TMPRSS15: variants seen among roughly 807,000 people sequenced by gnomAD.
TMPRSS15 encodes enteropeptidase.
A neutral mutation model predicts 125.3 loss-of-function variants in TMPRSS15; 128 were observed. That is an observed-to-expected ratio of 1.02 (90% CI 0.89 to 1.18). TMPRSS15 has a LOEUF of 1.18. Among genes scored for constraint, TMPRSS15 ranks in the 50% most tolerant of loss-of-function variants. The probability of loss-of-function intolerance (pLI) is 0.00; values close to 1 mark genes in which losing one functional copy is unlikely to be tolerated. For missense variants in TMPRSS15, 1,283 were observed against 1,212.7 expected (o/e 1.06, Z -0.86); for synonymous variants, 446 against 423.2 (o/e 1.05, Z -0.66).
chr21:18,399,545 G>A (rs776168995), intron 1 of TMPRSS15, among the ~76,000 whole-genome samples: 2 of 152,226 alleles, frequency 1.3e-5, no homozygotes, highest in African/African-American at 2.4e-5. Context: ...CTAAGGAAGC[G>A]TAATAACTAA....
intron 1 of TMPRSS15, among the ~76,000 whole-genome samples, chr21:18,469,343 C>T (rs896053238): frequency 1.9e-4 from 29 of 152,068 alleles, no homozygotes; most frequent in African/African-American, 7.0e-4. Flanking sequence ...CTGATGTGTT[C>T]CATTTTAGAA....
At chr21:18,270,662 G>A (rs1418714247) in intron 24 of TMPRSS15, among the ~76,000 whole-genome samples, 1 of 151,554 alleles carries the variant, frequency 6.6e-6, no homozygotes, top group Non-Finnish European at 1.5e-5. Flanking sequence ...AAATAAGGAA[G>A]TCTGTGATAT....
At chr21:18,294,115 T>A (rs2074871351) in intron 21 of TMPRSS15, among the ~76,000 whole-genome samples, 155 bp downstream of exon 21, 1 of 152,240 alleles carries the variant, frequency 6.6e-6, no homozygotes, top group Admixed American at 6.5e-5. Flanking sequence ...TTTTCATACA[T>A]GACATTAATG....
At chr21:18,396,808 G>GTCTGTCTATCTA (rs1461927983) in intron 3 of TMPRSS15, among the ~76,000 whole-genome samples, 116 of 107,762 alleles carry the variant, frequency 1.1e-3, no homozygotes, top group East Asian at 4.9e-3. Context: ...CTGTCTGTCT[G>GTCTGTCTATCTA]TCTATCTATC....
intron 18 of TMPRSS15, 50 bp downstream of exon 18, chr21:18,312,895 A>ATT (rs2075116057): frequency 1.9e-6 from 3 of 1,607,382 alleles, no homozygotes; most frequent in Middle Eastern, 1.6e-4. Context: ...TTTGATAGTA[A>ATT]TAAAAAGGTT....
chr21:18,276,261 C>T (rs1177413853), intron 23 of TMPRSS15, among the ~76,000 whole-genome samples: 2 of 152,194 alleles, frequency 1.3e-5, no homozygotes, highest in African/African-American at 2.4e-5. Flanking sequence ...CTCAGTAGTG[C>T]ATTGGTAAAT....
intron 3 of TMPRSS15, 51 bp downstream of exon 3, chr21:18,397,828 C>CA (rs757735169): frequency 1.5e-5 from 16 of 1,043,502 alleles, no homozygotes; most frequent in Middle Eastern, 2.9e-4. Flanking sequence ...CAAATATTAG[C>CA]AAAAAAATCA....
At chr21:18,422,354 CCTT>C (rs2076194113) in intron 1 of TMPRSS15, among the ~76,000 whole-genome samples, 1 of 151,550 alleles carries the variant, frequency 6.6e-6, no homozygotes, top group Non-Finnish European at 1.5e-5. Context: ...TGATAATTTA[CCTT>C]CTTATGTTTA....
rs371173282 is a variant in TMPRSS15, at chr21:18,310,538, A to G, written c.2165+2407T>C. Among the ~76,000 whole-genome samples the G allele has an allele frequency of 1.2e-4, 18 of 152,188 alleles. No individual in the cohort carries two copies. In the East Asian group the frequency reaches 2.7e-3, roughly 23 times the overall value. ...ACCTCTTCAAGGAAAACTGTAAAAC[A>G]CTGATGAAAGAAATTGAAAAGGACA... On this transcript the variant is annotated intron_variant, in intron 18 of 24. Coordinates refer to ENST00000284885, the MANE Select transcript of TMPRSS15 (RefSeq NM_002772.3).
intron 21 of TMPRSS15, among the ~76,000 whole-genome samples, chr21:18,286,996 G>T (rs942080232): frequency 6.6e-6 from 1 of 152,080 alleles, no homozygotes; most frequent in Non-Finnish European, 1.5e-5. Context: ...ATTTTCAATT[G>T]GTCTGTGACA....
At chr21:18,460,142 T>C (rs1250117887) in intron 1 of TMPRSS15, among the ~76,000 whole-genome samples, 1 of 152,188 alleles carries the variant, frequency 6.6e-6, no homozygotes, top group East Asian at 1.9e-4. Context: ...TTATGGCTTA[T>C]ATACATTTTT....
intron 7 of TMPRSS15, among the ~76,000 whole-genome samples, chr21:18,360,326 A>G (rs534832841): frequency 6.6e-6 from 1 of 152,158 alleles, no homozygotes; most frequent in African/African-American, 2.4e-5. Context: ...CCTTTGTTCA[A>G]TCATCGGATT....
intron 6 of TMPRSS15, among the ~76,000 whole-genome samples, chr21:18,370,018 T>TACACC: frequency 6.7e-6 from 1 of 149,556 alleles, no homozygotes; most frequent in Non-Finnish European, 1.5e-5. Flanking sequence ...AGTGACGGTG[T>TACACC]GTAAGCTTGA....
intron 1 of TMPRSS15, among the ~76,000 whole-genome samples, chr21:18,399,876 G>A (rs1421781361): frequency 6.6e-6 from 1 of 152,060 alleles, no homozygotes; most frequent in African/African-American, 2.4e-5. Context: ...AATGACTTCA[G>A]CAAAGTTTCA....
At chr21:18,447,376 G>A (rs1196248411) in intron 1 of TMPRSS15, among the ~76,000 whole-genome samples, 1 of 141,120 alleles carries the variant, frequency 7.1e-6, no homozygotes, top group East Asian at 2.3e-4. Flanking sequence ...GGAGGCAGAG[G>A]TAGCAGTGAG....
chr21:18,478,671 G>T (rs9637048), intron 1 of TMPRSS15, among the ~76,000 whole-genome samples: 8 of 151,568 alleles, frequency 5.3e-5, no homozygotes, highest in Non-Finnish European at 7.4e-5. Context: ...CTCAGTCTTC[G>T]CTTGTTTCCT....
At chr21:18,440,372 CAAAAAA>C (rs539968323) in intron 1 of TMPRSS15, among the ~76,000 whole-genome samples, 1 of 47,430 alleles carries the variant, frequency 2.1e-5, no homozygotes, top group Non-Finnish European at 3.7e-5. Flanking sequence ...AACTCCGTCT[CAAAAAA>C]AAAAAAAAAA....
intron 13 of TMPRSS15, among the ~76,000 whole-genome samples, chr21:18,339,261 G>A (rs1046877922): frequency 6.6e-6 from 1 of 152,010 alleles, no homozygotes; most frequent in Non-Finnish European, 1.5e-5. Context: ...AAAGCAAACC[G>A]ATCTTTTGGA....
intron 1 of TMPRSS15, among the ~76,000 whole-genome samples, chr21:18,439,604 G>C (rs1286159694): frequency 1.3e-5 from 2 of 152,084 alleles, no homozygotes; most frequent in East Asian, 3.9e-4. Context: ...TATAGAAATA[G>C]GGTTTTGAAT....
Sources: gnomAD v4.1 joint callset for allele counts (sites outside exome capture counted in the v4.1 genomes callset) on GRCh38, gnomAD v4.1.1 for gene constraint, MANE v1.5 for transcripts, NCBI Gene and HGNC (gene_info 2026-07-23, HGNC 2026-07-21) for gene names.